Variants in ANKRD30B observed in about 807,000 individuals in gnomAD.
ANKRD30B encodes ankyrin repeat domain-containing protein 30B.
A neutral mutation model predicts 202.2 loss-of-function variants in ANKRD30B; 144 were observed. The ratio of observed to expected loss-of-function variants is 0.71; its 90% CI spans 0.62 to 0.82. The LOEUF is 0.82. Among genes scored for constraint, ANKRD30B ranks in the 40% least tolerant of loss-of-function variants. ANKRD30B has a pLI of 0.00. For missense variants in ANKRD30B, 1,487 were observed against 1,669.1 expected (o/e 0.89, Z 1.90); for synonymous variants, 508 against 561.3 (o/e 0.91, Z 1.34).
chr18:14,831,598 A>C (rs1248849761), intron 34 of ANKRD30B, 143 bp downstream of exon 34: 1 of 527,758 alleles, frequency 1.9e-6, no homozygotes, highest in Admixed American at 4.0e-5. Context: ...ATTTTATAGA[A>C]ATATGAGTAG....
chr18:14,792,041 T>C (rs900899889), intron 16 of ANKRD30B, among the ~76,000 whole-genome samples: 2 of 152,194 alleles, frequency 1.3e-5, no homozygotes, highest in African/African-American at 4.8e-5. Flanking sequence ...TTGCAATAGT[T>C]GAGAATAAGC....
chr18:14,756,689 T>C (rs1348349695), intron 4 of ANKRD30B, among the ~76,000 whole-genome samples: 1 of 152,022 alleles, frequency 6.6e-6, no homozygotes, highest in African/African-American at 2.4e-5. Flanking sequence ...AGGCCAGGAG[T>C]TTGAGACCAG....
At chr18:14,900,853 G>A in the ANKRD30B span, among the ~76,000 whole-genome samples, 1 of 152,162 alleles carries the variant, frequency 6.6e-6, no homozygotes, top group Admixed American at 6.5e-5. Context: ...TGAGAACAAA[G>A]AGATTATGGA....
intron 34 of ANKRD30B, among the ~76,000 whole-genome samples, 167 bp downstream of exon 34, chr18:14,831,622 T>G (rs988544450): frequency 1.4e-5 from 2 of 145,800 alleles, no homozygotes; most frequent in Non-Finnish European, 3.0e-5. Flanking sequence ...ATTTAAACAG[T>G]TTTTTTTTTG....
intron 39 of ANKRD30B, among the ~76,000 whole-genome samples, chr18:14,847,725 C>T (rs1385074654): frequency 6.6e-6 from 1 of 151,686 alleles, no homozygotes; most frequent in African/African-American, 2.4e-5. Flanking sequence ...TGACTCCCCA[C>T]ACCTGAGGCA....
chr18:14,780,436 C>T (rs1967651661), intron 11 of ANKRD30B, among the ~76,000 whole-genome samples: 1 of 149,742 alleles, frequency 6.7e-6, no homozygotes, highest in African/African-American at 2.4e-5. Flanking sequence ...CAGAGTGAGA[C>T]TCTGTCTCCA....
intron 14 of ANKRD30B, among the ~76,000 whole-genome samples, 162 bp from the exon 15 acceptor site, chr18:14,786,877 G>A (rs1416289144): frequency 1.3e-5 from 2 of 152,114 alleles, no homozygotes; most frequent in Admixed American, 1.3e-4. Flanking sequence ...TTTCAATTCT[G>A]ATGGAGTGAC....
intron 12 of ANKRD30B, 93 bp from the exon 13 acceptor site, chr18:14,784,243 C>A: frequency 7.7e-7 from 1 of 1,296,694 alleles, no homozygotes; most frequent in South Asian, 1.3e-5. Context: ...CAAAGTCAAC[C>A]AAGAGGACTC....
At chr18:14,890,085 A>G in the ANKRD30B span, 7 of 1,203,640 alleles carry the variant, frequency 5.8e-6, no homozygotes, top group African/African-American at 1.5e-5. Context: ...CCTGATTTCC[A>G]TGATATATTC....
At chr18:14,783,560 G>C (rs1416943998) in intron 12 of ANKRD30B, among the ~76,000 whole-genome samples, 1 of 152,036 alleles carries the variant, frequency 6.6e-6, no homozygotes, top group Non-Finnish European at 1.5e-5. Flanking sequence ...CAGACAAATT[G>C]TAGGAACTAA....
chr18:14,845,267 T>C (rs1971584665), intron 39 of ANKRD30B, among the ~76,000 whole-genome samples: 1 of 151,136 alleles, frequency 6.6e-6, no homozygotes, highest in African/African-American at 2.4e-5. Context: ...TTAATTTTTG[T>C]ATAAGGTGTA....
chr18:14,757,855 A>G lies in ANKRD30B; in HGVS notation c.658A>G (p.Ile220Val), dbSNP rs749230610. Reference sequence around the variant, plus strand: ...TGCCATATGTGAAGGCTCATCAGAGATAGTCGGCATGCTTCTTCAGCAAAA... The same window carrying G: ...TGCCATATGTGAAGGCTCATCAGAGGTAGTCGGCATGCTTCTTCAGCAAAA... ...MLAICEGSSE[I>V]VGMLLQQNVD... Residue 220 changes from isoleucine to valine, a missense_variant, in exon 5 of 44, where the codon ATA (isoleucine) becomes GTA (valine). By Grantham distance (29) the Ile-to-Val change is conservative (BLOSUM62 3). Coordinates refer to ENST00000690538, the MANE Select transcript of ANKRD30B (RefSeq NM_001367607.2). 1.9e-6 allele frequency: 3 copies of G among 1,613,864 alleles called. No individual in the cohort carries two copies. Among genetic ancestry groups the G allele is most frequent in the East Asian group, 4.5e-5 (2 of 44,872 alleles).
the ANKRD30B span, among the ~76,000 whole-genome samples, chr18:14,911,863 G>A: frequency 2.0e-5 from 3 of 151,972 alleles, no homozygotes; most frequent in Non-Finnish European, 4.4e-5. Context: ...TTATTTCTAG[G>A]TATTTTATGT....
intron 5 of ANKRD30B, among the ~76,000 whole-genome samples, chr18:14,759,683 T>G (rs1305451088): frequency 6.6e-6 from 1 of 152,216 alleles, no homozygotes. Context: ...TTTTCTGCCC[T>G]TGGTGTGATT....
chr18:14,809,855 A>G (rs1969805100), intron 26 of ANKRD30B, 131 bp from the exon 27 acceptor site: 1 of 900,234 alleles, frequency 1.1e-6, no homozygotes, highest in Middle Eastern at 3.5e-4. Context: ...AACCCAAAAG[A>G]CCCCAAAACC....
At chr18:14,834,029 C>A (rs559455074) in intron 34 of ANKRD30B, among the ~76,000 whole-genome samples, 89 of 152,206 alleles carry the variant, frequency 5.8e-4, no homozygotes, top group African/African-American at 2.1e-3. Flanking sequence ...ATGATTTATT[C>A]TTTTTTCTCT....
At chr18:14,804,742 T>C (rs1445136962) in intron 24 of ANKRD30B, among the ~76,000 whole-genome samples, 5 of 150,790 alleles carry the variant, frequency 3.3e-5, no homozygotes, top group South Asian at 2.1e-4. Context: ...AAATTGTAGA[T>C]GGAAGATACT....
At position 14,772,195 on chromosome 18, in the gene ANKRD30B, A is replaced by C; in HGVS notation, c.1296A>C (p.Thr432=). 1 of 1,509,794 alleles carries C rather than the reference A, an allele frequency of 6.6e-7. No individual in the cohort carries two copies. The highest frequency in any genetic ancestry group is 8.9e-7 in the Non-Finnish European group (1 of 1,122,992). 93.5% of individuals were successfully genotyped at this position (1,509,794 alleles called of 1,614,324 possible). A position where few individuals can be genotyped will look rare whatever the true frequency, so the allele number is the denominator to read the frequency against. Residue 432 remains threonine (T), a synonymous_variant, in exon 9 of 44, where the codon ACA becomes ACC. Transcript: ENST00000690538. Reference sequence around the variant, plus strand: ...GGACTATTGAAAATTCACAGTGTACAAAAGTTGAGGAAGACTTTAATCTTG... The same window carrying C: ...GGACTATTGAAAATTCACAGTGTACCAAAGTTGAGGAAGACTTTAATCTTG... ...GTRTIENSQC[T]KVEEDFNLAT... is the part of the protein sequence containing the mutation.
chr18:14,817,721 T>A (rs955468422), intron 30 of ANKRD30B, among the ~76,000 whole-genome samples: 1 of 152,244 alleles, frequency 6.6e-6, no homozygotes, highest in South Asian at 2.1e-4. Flanking sequence ...CAAACAGATG[T>A]ATTAATGGTA....
Sources: gnomAD v4.1 joint callset for allele counts (sites outside exome capture counted in the v4.1 genomes callset) on GRCh38, gnomAD v4.1.1 for gene constraint, MANE v1.5 for transcripts, NCBI Gene and HGNC (gene_info 2026-07-23, HGNC 2026-07-21) for gene names.